Variants in ABCA13 observed in about 807,000 individuals in gnomAD.
ABCA13 encodes the protein ATP binding cassette subfamily A member 13.
ABCA13 carries 476 observed loss-of-function variants against 478.7 expected under a neutral mutation model. The observed-to-expected ratio is 0.99, with a 90% CI of 0.92 to 1.07. The LOEUF is 1.07. ABCA13 is among the 50% of genes least tolerant of loss of function. ABCA13 has a pLI of 0.00. For synonymous variants in ABCA13, 2,252 were observed against 2,158.9 expected, an observed-to-expected ratio of 1.04 and a Z score of -1.20; for missense variants, 6,060 against 5,910.6, an observed-to-expected ratio of 1.03 and a Z score of -0.83.
chr7:48,513,000 A>C (rs994902222), intron 51 of ABCA13, among the ~76,000 whole-genome samples: 2 of 152,208 alleles, frequency 1.3e-5, no homozygotes, highest in Non-Finnish European at 2.9e-5. Flanking sequence ...CAGATTTAGA[A>C]GGTAGCTCTT....
chr7:48,568,756 G>GT (rs1265706288), intron 55 of ABCA13, among the ~76,000 whole-genome samples: 1 of 151,846 alleles, frequency 6.6e-6, no homozygotes, highest in African/African-American at 2.4e-5. Flanking sequence ...TTATGAAAAG[G>GT]TTTTTTGGCA....
intron 59 of ABCA13, among the ~76,000 whole-genome samples, chr7:48,621,271 G>A (rs923596965): frequency 9.2e-5 from 14 of 152,034 alleles, no homozygotes; most frequent in African/African-American, 3.4e-4. Context: ...GCATAAGTTT[G>A]CATCCTGCCT....
intron 27 of ABCA13, among the ~76,000 whole-genome samples, chr7:48,326,267 A>G (rs1016203068): frequency 6.6e-6 from 1 of 152,204 alleles, no homozygotes; most frequent in East Asian, 1.9e-4. Context: ...AAAGCTTAAC[A>G]GTGTATCAAC....
In ABCA13 at chr7:48,298,563, CCTTT is replaced by C. The variant is rs771923198; in HGVS notation, c.9321+80_9321+83del. The C allele has an allele frequency of 8.5e-4, 1,277 of 1,496,264 alleles. 5 individuals carry two copies. Among genetic ancestry groups the C allele is most frequent in the Non-Finnish European group, 8.1e-4 (906 of 1,116,628 alleles). The allele number at this position is 1,496,264 out of a possible 1,614,324, so 92.7% of individuals were successfully genotyped here. The stretch of plus-strand genomic sequence containing the variant: ...CCTGAAGTCACTGGCACTGTGTTGT[CCTTT>C]CTTCCTTCTTGCCTTCCTCTCCTTT... On this transcript the variant is annotated intron_variant, in intron 23 of 61. Coordinates refer to ENST00000435803, the MANE Select transcript of ABCA13 (RefSeq NM_152701.5).
At chr7:48,520,590 A>C (rs1225643588) in intron 53 of ABCA13, among the ~76,000 whole-genome samples, 1 of 152,066 alleles carries the variant, frequency 6.6e-6, no homozygotes, top group Non-Finnish European at 1.5e-5. Context: ...TCTATGGTAC[A>C]TGTGCACAAT....
At chr7:48,225,131 G>GCCTGCCTT (rs1198903087) in intron 5 of ABCA13, among the ~76,000 whole-genome samples, 35 of 106,712 alleles carry the variant, frequency 3.3e-4, no homozygotes, top group Admixed American at 1.5e-3. Flanking sequence ...CTGCCTGCCT[G>GCCTGCCTT]CCTGCCTTCC....
At chr7:48,614,525 C>A (rs985004833) in intron 58 of ABCA13, among the ~76,000 whole-genome samples, 2 of 151,012 alleles carry the variant, frequency 1.3e-5, no homozygotes, top group East Asian at 1.9e-4. Context: ...CCCAGCCATC[C>A]CATTACTGGG....
chr7:48,480,598 T>C (rs2084468236), intron 45 of ABCA13, among the ~76,000 whole-genome samples: 1 of 152,222 alleles, frequency 6.6e-6, no homozygotes, highest in African/African-American at 2.4e-5. Flanking sequence ...GTTGGCATGC[T>C]GGTGAGTCGC....
intron 42 of ABCA13, among the ~76,000 whole-genome samples, chr7:48,430,029 A>G (rs781298794): frequency 7.9e-5 from 12 of 152,030 alleles, no homozygotes; most frequent in Non-Finnish European, 1.6e-4. Context: ...CGCTGTTATC[A>G]TGGTTATCTT....
chr7:48,567,277 T>C (rs1787167184), intron 55 of ABCA13, among the ~76,000 whole-genome samples: 1 of 152,120 alleles, frequency 6.6e-6, no homozygotes, highest in South Asian at 2.1e-4. Flanking sequence ...ATTTCCTGTT[T>C]TGAAGTAGAA....
rs943598222 is a variant in ABCA13 at position 48,269,131 on chromosome 7, A to G, written c.2120+37A>G. On this transcript the variant is annotated intron_variant, in intron 16 of 61. Transcript: ENST00000435803. ...GAATCCAACTTCTAGGTCTTGATTT[A>G]ATTATCATCTGAAGATAATCAAAAC... 3 of 1,158,632 alleles carry G rather than the reference A, an allele frequency of 2.6e-6. No individual in the cohort carries two copies. In the African/African-American group the frequency reaches 4.6e-5, roughly 18 times the overall value. 71.8% of individuals were successfully genotyped at this position (1,158,632 alleles called of 1,614,324 possible).
At chr7:48,508,682 G>C (rs1334948977) in intron 50 of ABCA13, among the ~76,000 whole-genome samples, 1 of 152,188 alleles carries the variant, frequency 6.6e-6, no homozygotes, top group Non-Finnish European at 1.5e-5. Context: ...TTGTAGGAAA[G>C]TGATATCCTT....
intron 55 of ABCA13, among the ~76,000 whole-genome samples, chr7:48,560,054 C>T (rs574660437): frequency 6.6e-6 from 1 of 152,268 alleles, no homozygotes; most frequent in Non-Finnish European, 1.5e-5. Flanking sequence ...CACCCTAGTC[C>T]ACTGGCTGTA....
chr7:48,323,887 G>C (rs1803904234), intron 27 of ABCA13, among the ~76,000 whole-genome samples: 1 of 152,126 alleles, frequency 6.6e-6, no homozygotes, highest in Non-Finnish European at 1.5e-5. Flanking sequence ...CATGAGATCT[G>C]AAGATTTTAT....
intron 31 of ABCA13, among the ~76,000 whole-genome samples, chr7:48,365,527 T>C (rs1811531747): frequency 6.6e-6 from 1 of 152,224 alleles, no homozygotes; most frequent in Admixed American, 6.5e-5. Flanking sequence ...TGATATTTTC[T>C]TCTTGTAGTT....
At chr7:48,512,705 T>G (rs1026343220) in intron 51 of ABCA13, among the ~76,000 whole-genome samples, 2 of 152,202 alleles carry the variant, frequency 1.3e-5, no homozygotes, top group Non-Finnish European at 1.5e-5. Context: ...AAATTTTTAT[T>G]AGTTGTTTTG....
At chr7:48,409,477 AC>A (rs1818700501) in intron 39 of ABCA13, among the ~76,000 whole-genome samples, 1 of 152,104 alleles carries the variant, frequency 6.6e-6, no homozygotes. Context: ...TGCCAGGAAC[AC>A]CCAAGTCCCC....
intron 53 of ABCA13, among the ~76,000 whole-genome samples, chr7:48,522,022 G>A (rs1274427449): frequency 6.7e-6 from 1 of 150,318 alleles, no homozygotes; most frequent in Non-Finnish European, 1.5e-5. Context: ...AGGTGTCTGT[G>A]ATCCTCCTCC....
intron 43 of ABCA13, among the ~76,000 whole-genome samples, chr7:48,457,537 T>C (rs1440996912): frequency 2.6e-5 from 4 of 152,240 alleles, no homozygotes; most frequent in Non-Finnish European, 4.4e-5. Context: ...GTTATAGAAG[T>C]GATGCACTTC....
Sources: gnomAD v4.1 joint callset for allele counts (sites outside exome capture counted in the v4.1 genomes callset) on GRCh38, gnomAD v4.1.1 for gene constraint, MANE v1.5 for transcripts, NCBI Gene and HGNC (gene_info 2026-07-23, HGNC 2026-07-21) for gene names.